The following CRACD variants were observed in gnomAD, a reference collection of about 807,000 sequenced individuals.
The protein encoded by CRACD is capping protein-inhibiting regulator of actin dynamics.
A neutral mutation model predicts 106.8 loss-of-function variants in CRACD; 56 were observed. The ratio of observed to expected loss-of-function variants is 0.52; its 90% CI spans 0.42 to 0.66. The LOEUF is 0.66. Ranked by LOEUF, CRACD falls within the 30% of genes least tolerant of loss-of-function variation. The probability of loss-of-function intolerance (pLI) is 0.00; values close to 1 mark genes in which losing one functional copy is unlikely to be tolerated. For missense variants in CRACD, 1,730 were observed against 1,623.2 expected, an observed-to-expected ratio of 1.07 and a Z score of -1.13; for synonymous variants, 754 against 670.8, an observed-to-expected ratio of 1.12 and a Z score of -1.92.
At chr4:56,150,929 C>T (rs1735556339) in intron 1 of CRACD, among the ~76,000 whole-genome samples, 1 of 152,190 alleles carries the variant, frequency 6.6e-6, no homozygotes, top group Non-Finnish European at 1.5e-5. Context: ...TAGTGCCGAA[C>T]AGTTGTCTAA....
chr4:56,315,061 A>G lies in CRACD; in HGVS notation c.1559A>G (p.Glu520Gly). ...GCCCTTGAACAAGGCCGCAAGGTGGAGGAGCTGCGGTGGCAGGAGGTGGAC... is the reference window on the plus strand; with the variant it reads ...GCCCTTGAACAAGGCCGCAAGGTGGGGGAGCTGCGGTGGCAGGAGGTGGAC... ...AAALEQGRKVEELRWQEVDER... is the reference protein window; with the variant it reads ...AAALEQGRKVGELRWQEVDER... The change falls in exon 8 of 11, where the codon GAG (glutamate) becomes GGG (glycine). Residue 520 changes from glutamate to glycine, a missense_variant. Glu to Gly is a moderately conservative substitution (Grantham distance 98). Coordinates refer to ENST00000682029, the MANE Select transcript of CRACD (RefSeq NM_001393381.1). The surrounding 1 kb of genome is among the most constrained non-coding windows in gnomAD (Gnocchi z 4.1). The G allele has an allele frequency of 6.2e-7, 1 of 1,609,406 alleles. No homozygotes were observed. Among genetic ancestry groups the G allele is most frequent in the Admixed American group, 1.7e-5 (1 of 59,334 alleles).
At chr4:56,285,479 A>G (rs1345542450) in intron 3 of CRACD, among the ~76,000 whole-genome samples, 1 of 152,062 alleles carries the variant, frequency 6.6e-6, no homozygotes, top group Non-Finnish European at 1.5e-5. Context: ...TTGCTCTGTC[A>G]CAAAGGCCGG....
chr4:56,063,336 G>A (rs961153462), intron 1 of CRACD, among the ~76,000 whole-genome samples: 11 of 152,096 alleles, frequency 7.2e-5, no homozygotes, highest in Admixed American at 6.6e-5. Flanking sequence ...GGGATCATAG[G>A]TGTGAACCAC....
intron 1 of CRACD, among the ~76,000 whole-genome samples, chr4:56,108,200 T>A (rs141667837): frequency 1.3e-5 from 2 of 152,264 alleles, no homozygotes; most frequent in Non-Finnish European, 2.9e-5. Context: ...AAAATACTAT[T>A]TTTACAGTTG....
At position 56,164,196 on chromosome 4, in the gene CRACD, G is replaced by A. The variant is rs891103534; in HGVS notation, c.-335-15088G>A. Among the ~76,000 whole-genome samples the A allele has an allele frequency of 1.0e-4, 15 of 150,498 alleles. 1 individual carries two copies. The South Asian group carries it at 1.3e-3, about 13-fold the overall frequency. On this transcript the variant is annotated intron_variant, in intron 1 of 10. Coordinates refer to ENST00000682029, the MANE Select transcript of CRACD (RefSeq NM_001393381.1). ...GTCGCCCAGGCTGGAGTGCAGTGGC[G>A]CAATTTCGGCTCACTGCAAGCTCCA...
intron 2 of CRACD, among the ~76,000 whole-genome samples, chr4:56,244,397 T>TA (rs1333221227): frequency 6.6e-6 from 1 of 152,194 alleles, no homozygotes; most frequent in Non-Finnish European, 1.5e-5. Flanking sequence ...CATAAAGTGT[T>TA]ACACATTTAG....
At chr4:56,202,543 A>G (rs1017712744) in intron 2 of CRACD, among the ~76,000 whole-genome samples, 13 of 152,212 alleles carry the variant, frequency 8.5e-5, no homozygotes, top group Admixed American at 8.5e-4. Context: ...CACCGCGCCC[A>G]GCATCAGCAA....
intron 1 of CRACD, among the ~76,000 whole-genome samples, chr4:56,093,850 G>A (rs988541518): frequency 3.9e-5 from 6 of 152,174 alleles, no homozygotes; most frequent in Admixed American, 6.5e-5. Flanking sequence ...TGGCAGAAAC[G>A]CAAAGGCCTT....
At chr4:56,326,362 GAGTT>G (rs1405929631) in intron 10 of CRACD, among the ~76,000 whole-genome samples, 1 of 152,196 alleles carries the variant, frequency 6.6e-6, no homozygotes, top group Non-Finnish European at 1.5e-5. Context: ...GAGAGAGAAT[GAGTT>G]TCTTTCAAAA....
intron 8 of CRACD, 54 bp downstream of exon 8, chr4:56,316,743 C>T: frequency 6.7e-7 from 1 of 1,486,264 alleles, no homozygotes; most frequent in Non-Finnish European, 9.0e-7. Flanking sequence ...AGAGCCAGGG[C>T]ATCAAGAAGA....
At chr4:56,178,977 T>C (rs1420538445) in intron 1 of CRACD, among the ~76,000 whole-genome samples, 1 of 152,232 alleles carries the variant, frequency 6.6e-6, no homozygotes, top group Non-Finnish European at 1.5e-5. Flanking sequence ...TTAGTTAAAC[T>C]ACATGAAGAA....
At chr4:56,299,232 G>T (rs766594398) in intron 4 of CRACD, among the ~76,000 whole-genome samples, 2 of 152,022 alleles carry the variant, frequency 1.3e-5, no homozygotes, top group African/African-American at 4.8e-5. Context: ...AAATCTACTC[G>T]GGTGGTACCT....
In CRACD at chr4:56,210,403, TAGAC is replaced by T. The variant is rs554131323; in HGVS notation, c.-189+30977_-189+30980del. Among the ~76,000 whole-genome samples the T allele has an allele frequency of 1.1e-4, 16 of 152,292 alleles. No homozygotes were observed. The South Asian group carries it at 2.9e-3, about 28-fold the overall frequency. On this transcript the variant is annotated intron_variant, in intron 2 of 10. Coordinates refer to ENST00000682029, the MANE Select transcript of CRACD (RefSeq NM_001393381.1). ...AACATGTATAGACATAACAGACACA[TAGAC>T]AGAAGCAGATCTTACAGATTTGTAA... is the stretch of plus-strand genomic sequence containing the variant.
chr4:56,228,134 C>A (rs1164777510), intron 2 of CRACD, among the ~76,000 whole-genome samples: 6 of 152,248 alleles, frequency 3.9e-5, no homozygotes, highest in African/African-American at 1.4e-4. Flanking sequence ...TGCCTTTCCC[C>A]CTAACCCCGG....
intron 1 of CRACD, among the ~76,000 whole-genome samples, chr4:56,170,803 C>A (rs1577709015): frequency 6.6e-6 from 1 of 152,158 alleles, no homozygotes; most frequent in East Asian, 1.9e-4. Context: ...TGTGCCACTG[C>A]ACTCCAGACT....
intron 8 of CRACD, among the ~76,000 whole-genome samples, chr4:56,318,484 C>T (rs1016098102): frequency 6.6e-6 from 1 of 152,312 alleles, no homozygotes; most frequent in East Asian, 1.9e-4. Context: ...CTCACAGCCT[C>T]GTCTGCTATG....
chr4:56,109,002 T>G (rs13101795), intron 1 of CRACD, among the ~76,000 whole-genome samples: 21,659 of 152,146 alleles, frequency 0.14, 1,598 homozygotes, highest in East Asian at 0.25. Flanking sequence ...CACAAGAAGC[T>G]GGTGGAGCAG....
intron 1 of CRACD, among the ~76,000 whole-genome samples, chr4:56,067,467 G>A (rs1441847881): frequency 6.6e-6 from 1 of 152,196 alleles, no homozygotes; most frequent in Non-Finnish European, 1.5e-5. Context: ...TTCTTTGCCT[G>A]GGCAGGATAG....
chr4:56,299,859 AG>A (rs1385575580), intron 4 of CRACD, among the ~76,000 whole-genome samples: 3 of 151,442 alleles, frequency 2.0e-5, no homozygotes, highest in African/African-American at 7.2e-5. Flanking sequence ...AAAAAAAAAA[AG>A]GAAAAGAGAA....
Sources: allele counts gnomAD v4.1 joint callset (sites outside exome capture counted in the v4.1 genomes callset), GRCh38; gene constraint gnomAD v4.1.1; non-coding constraint Gnocchi (gnomAD v3.1); transcripts MANE v1.5; gene names NCBI Gene and HGNC (gene_info 2026-07-23, HGNC 2026-07-21).